The following CCDC171 variants were observed in gnomAD, a reference collection of about 807,000 sequenced individuals.
The protein encoded by CCDC171 is coiled-coil domain-containing protein 171.
CCDC171 carries 177 observed loss-of-function variants against 168.2 expected under a neutral mutation model. That is an observed-to-expected ratio of 1.05 (90% CI 0.93 to 1.19). The LOEUF (loss-of-function observed/expected upper bound fraction) is 1.19. Among genes scored for constraint, CCDC171 ranks in the 50% most tolerant of loss-of-function variants. The probability of loss-of-function intolerance (pLI) is 0.00; values close to 1 mark genes in which losing one functional copy is unlikely to be tolerated. For synonymous variants in CCDC171, 687 were observed against 540.8 expected, an observed-to-expected ratio of 1.27 and a Z score of -3.75; for missense variants, 1,991 against 1,539.0, an observed-to-expected ratio of 1.29 and a Z score of -4.91.
chr9:16,012,813 G>A (rs1235625422), intron 3 of CCDC171, among the ~76,000 whole-genome samples: 1 of 152,100 alleles, frequency 6.6e-6, no homozygotes, highest in Non-Finnish European at 1.5e-5. Flanking sequence ...ATTTGTTCAT[G>A]GATGATAGGT....
chr9:15,658,496 C>T lies in CCDC171; in HGVS notation c.915+1277C>T, dbSNP rs73412262. The stretch of plus-strand genomic sequence containing the variant: ...CAAAGATGTCCACATCTGCCCTTAT[C>T]CTCAGAACCTGTGAATATGTTACCT... On this transcript the variant is annotated intron_variant, in intron 8 of 25. Coordinates refer to ENST00000380701, the MANE Select transcript of CCDC171 (RefSeq NM_173550.4). 1.8e-3 allele frequency among the ~76,000 whole-genome samples: 272 copies of T among 152,256 alleles called. 1 individual carries two copies. Among genetic ancestry groups the T allele is most frequent in the African/African-American group, 6.3e-3 (261 of 41,550 alleles).
intron 2 of CCDC171, among the ~76,000 whole-genome samples, chr9:15,565,750 A>G (rs1321705779): frequency 6.6e-6 from 1 of 152,180 alleles, no homozygotes; most frequent in African/African-American, 2.4e-5. Context: ...CATTATGCCC[A>G]TCTGCCAGTT....
chr9:15,815,982 A>G (rs2059549455), intron 21 of CCDC171, among the ~76,000 whole-genome samples: 1 of 117,700 alleles, frequency 8.5e-6, no homozygotes, highest in Admixed American at 8.0e-5. Context: ...AAGATTCAAG[A>G]TAGAAGGTAG....
At chr9:16,079,921 G>A in the CCDC171 span, among the ~76,000 whole-genome samples, 2 of 152,142 alleles carry the variant, frequency 1.3e-5, no homozygotes, top group African/African-American at 2.4e-5. Flanking sequence ...TTGCACATGA[G>A]GAAACTGAGG....
chr9:15,641,715 A>G (rs2046619302), intron 7 of CCDC171, among the ~76,000 whole-genome samples: 2 of 152,182 alleles, frequency 1.3e-5, no homozygotes, highest in South Asian at 2.1e-4. Context: ...TGGGCTTAAT[A>G]TGATTTAGTG....
chr9:15,600,141 T>A (rs1337533009), intron 6 of CCDC171, among the ~76,000 whole-genome samples: 1 of 152,232 alleles, frequency 6.6e-6, no homozygotes, highest in Non-Finnish European at 1.5e-5. Flanking sequence ...TCTCAACTCG[T>A]CAGTCATTCT....
chr9:15,986,920 G>A (rs1165024901), intron 3 of CCDC171, among the ~76,000 whole-genome samples: 4 of 147,276 alleles, frequency 2.7e-5, no homozygotes, highest in Non-Finnish European at 4.5e-5. Flanking sequence ...TTTAATACAT[G>A]GCATTAGAAT....
chr9:15,643,409 A>G (rs1326025921), intron 7 of CCDC171, among the ~76,000 whole-genome samples: 3 of 152,192 alleles, frequency 2.0e-5, no homozygotes, highest in African/African-American at 7.2e-5. Flanking sequence ...AGTATGCATC[A>G]TGCTTTATAC....
intron 25 of CCDC171, among the ~76,000 whole-genome samples, chr9:15,967,514 A>G (rs1463755498): frequency 3.3e-5 from 5 of 152,180 alleles, no homozygotes; most frequent in African/African-American, 1.2e-4. Context: ...CAAGTATTAT[A>G]TTCAGGAAAC....
intron 21 of CCDC171, among the ~76,000 whole-genome samples, chr9:15,810,759 A>G (rs1033229568): frequency 6.6e-6 from 1 of 152,132 alleles, no homozygotes; most frequent in Non-Finnish European, 1.5e-5. Flanking sequence ...TGCTGCGCGC[A>G]GCCCTGGTTC....
At chr9:15,634,734 T>C (rs1430562753) in intron 7 of CCDC171, among the ~76,000 whole-genome samples, 2 of 152,296 alleles carry the variant, frequency 1.3e-5, no homozygotes, top group Middle Eastern at 3.4e-3. Context: ...TGTGCAACCA[T>C]TACTATAATC....
At chr9:15,937,796 G>A (rs1187435395) in intron 25 of CCDC171, among the ~76,000 whole-genome samples, 2 of 151,922 alleles carry the variant, frequency 1.3e-5, no homozygotes, top group Non-Finnish European at 1.5e-5. Flanking sequence ...AGTGATGTGG[G>A]TGGTCAAGGC....
chr9:15,582,037 C>T (rs530296431), intron 4 of CCDC171, among the ~76,000 whole-genome samples: 1 of 152,276 alleles, frequency 6.6e-6, no homozygotes, highest in South Asian at 2.1e-4. Flanking sequence ...ATCCATCTGA[C>T]AAAGGGCTAA....
intron 1 of CCDC171, among the ~76,000 whole-genome samples, chr9:16,046,465 A>G (rs3008694): frequency 0.24 from 36,179 of 152,170 alleles, 4,622 homozygotes; most frequent in Middle Eastern, 0.31. Flanking sequence ...AAGTTCTCAA[A>G]ATAGCCAAAT....
chr9:15,892,283 T>G (rs577599359), intron 24 of CCDC171, among the ~76,000 whole-genome samples: 3 of 152,168 alleles, frequency 2.0e-5, no homozygotes, highest in Non-Finnish European at 4.4e-5. Context: ...TTGTGCCAGT[T>G]GTCAAGGGGA....
At chr9:15,702,223 A>G (rs1043517896) in intron 11 of CCDC171, among the ~76,000 whole-genome samples, 24 of 152,134 alleles carry the variant, frequency 1.6e-4, no homozygotes, top group African/African-American at 5.8e-4. Flanking sequence ...TGTCATCCGT[A>G]TGAGCTGTTC....
At chr9:15,689,491 A>T (rs182606049) in intron 10 of CCDC171, among the ~76,000 whole-genome samples, 22 of 152,302 alleles carry the variant, frequency 1.4e-4, no homozygotes, top group Middle Eastern at 3.4e-3. Flanking sequence ...CGGGCAGATC[A>T]CTTGAGGTCT....
At chr9:15,739,106 C>T (rs1304774930) in intron 16 of CCDC171, among the ~76,000 whole-genome samples, 3 of 152,042 alleles carry the variant, frequency 2.0e-5, no homozygotes, top group Non-Finnish European at 2.9e-5. Context: ...AAGTTAAATG[C>T]CTGAGTGACC....
At position 15,881,336 on chromosome 9, in the gene CCDC171, C is replaced by T. The variant is rs536946502; in HGVS notation, c.3600+6673C>T. Reference sequence around the variant, plus strand: ...TTTTTCTCTTTTTGTTTCTTTTTCTCATTAAGAAATTTGATGCATAATAGA... The same window carrying T: ...TTTTTCTCTTTTTGTTTCTTTTTCTTATTAAGAAATTTGATGCATAATAGA... On this transcript the variant is annotated intron_variant, in intron 24 of 25. Coordinates refer to ENST00000380701, the MANE Select transcript of CCDC171 (RefSeq NM_173550.4). Among the ~76,000 whole-genome samples, 12 of 152,160 alleles carry T rather than the reference C, an allele frequency of 7.9e-5. No homozygotes were observed. The South Asian group carries it at 2.5e-3, about 32-fold the overall frequency.
Sources: allele counts gnomAD v4.1 joint callset (sites outside exome capture counted in the v4.1 genomes callset), GRCh38; gene constraint gnomAD v4.1.1; transcripts MANE v1.5; gene names NCBI Gene and HGNC (gene_info 2026-07-23, HGNC 2026-07-21).